The following COG5 variants were observed in gnomAD, a reference collection of about 807,000 sequenced individuals.
The protein encoded by COG5 is component of oligomeric golgi complex 5.
COG5 carries 86 observed loss-of-function variants against 110.4 expected under a neutral mutation model. The ratio of observed to expected loss-of-function variants is 0.78; its 90% CI spans 0.65 to 0.93. The LOEUF (loss-of-function observed/expected upper bound fraction) is 0.93. Ranked by LOEUF, COG5 falls within the 40% of genes least tolerant of loss-of-function variation. The probability of loss-of-function intolerance (pLI) is 0.00; values close to 1 mark genes in which losing one functional copy is unlikely to be tolerated. For synonymous variants in COG5, 360 were observed against 334.6 expected (o/e 1.08, Z -0.83); for missense variants, 1,077 against 987.0 (o/e 1.09, Z -1.22).
At chr7:107,217,850 T>C (rs1354816202) in intron 19 of COG5, among the ~76,000 whole-genome samples, 1 of 152,014 alleles carries the variant, frequency 6.6e-6, no homozygotes, top group Non-Finnish European at 1.5e-5. Context: ...ATAATCCTAC[T>C]GGAGGTCTTT....
chr7:107,386,396 T>C (rs779193221), intron 7 of COG5, among the ~76,000 whole-genome samples: 25 of 152,072 alleles, frequency 1.6e-4, no homozygotes, highest in Non-Finnish European at 3.2e-4. Flanking sequence ...ACGTTATTTA[T>C]CTGTCGTTGG....
At chr7:107,458,953 T>C (rs1795826756) in intron 6 of COG5, among the ~76,000 whole-genome samples, 1 of 151,242 alleles carries the variant, frequency 6.6e-6, no homozygotes, top group East Asian at 1.9e-4. Context: ...ATTTATATTA[T>C]TATATATATA....
At position 107,271,473 on chromosome 7, in the gene COG5, T is replaced by C. The variant is rs148400171; in HGVS notation, c.1575+9827A>G. On this transcript the variant is annotated intron_variant, in intron 14 of 21. Transcript: ENST00000297135. ...CTTCAATTTCTTTCAACACAACTTA[T>C]AGTTTTCAGTGTAAAGTCTTGCCCA... Among the ~76,000 whole-genome samples the C allele has an allele frequency of 2.1e-3, 320 of 152,294 alleles. 1 individual carries two copies. The highest frequency in any genetic ancestry group is 7.3e-3 in the African/African-American group (304 of 41,560).
In COG5 at chr7:107,329,055, A is replaced by ACTACAGAT. The variant is rs900806577; in HGVS notation, c.1027-4542_1027-4535dup. Among the ~76,000 whole-genome samples the ACTACAGAT allele has an allele frequency of 6.6e-5, 10 of 152,280 alleles. No homozygotes were observed. In the East Asian group the frequency reaches 1.5e-3, roughly 24 times the overall value. On this transcript the variant is annotated intron_variant, in intron 10 of 21. Coordinates refer to ENST00000297135, the MANE Select transcript of COG5 (RefSeq NM_006348.5). The stretch of plus-strand genomic sequence containing the variant: ...ACATCATTGGCTTTCCAGCTTGCCA[A>ACTACAGAT]CTACAGATCTACAGATCTACAGACT...
At chr7:107,507,694 T>C (rs1291663164) in intron 6 of COG5, among the ~76,000 whole-genome samples, 1 of 152,130 alleles carries the variant, frequency 6.6e-6, no homozygotes, top group Non-Finnish European at 1.5e-5. Flanking sequence ...AATGGGTCCC[T>C]ATTGTATGGC....
intron 6 of COG5, chr7:107,471,561 G>A (rs1468071898): frequency 6.6e-6 from 1 of 151,878 alleles, no homozygotes; most frequent in African/African-American, 2.4e-5. Flanking sequence ...TGTATCCTAA[G>A]AAGATGCTAC....
intron 7 of COG5, among the ~76,000 whole-genome samples, chr7:107,386,862 G>T (rs759259999): frequency 4.6e-5 from 7 of 152,058 alleles, no homozygotes; most frequent in African/African-American, 1.7e-4. Flanking sequence ...CCCTGGCTTC[G>T]TTATACAACA....
At chr7:107,327,791 G>C (rs77007583) in intron 10 of COG5, among the ~76,000 whole-genome samples, 16 of 152,196 alleles carry the variant, frequency 1.1e-4, no homozygotes, top group Non-Finnish European at 1.9e-4. Flanking sequence ...TAAAAAACTG[G>C]TAAATAACAA....
intron 11 of COG5, among the ~76,000 whole-genome samples, chr7:107,322,648 C>A (rs1809411605): frequency 6.6e-6 from 1 of 152,186 alleles, no homozygotes; most frequent in Non-Finnish European, 1.5e-5. Flanking sequence ...ATGGTATATC[C>A]ATTTTGGATT....
chr7:107,410,061 G>A (rs1792169242), intron 7 of COG5, among the ~76,000 whole-genome samples: 1 of 152,156 alleles, frequency 6.6e-6, no homozygotes, highest in African/African-American at 2.4e-5. Flanking sequence ...GAAAAGACTA[G>A]GCATAGAAGT....
At chr7:107,208,862 C>T (rs1228604174) in intron 21 of COG5, 3 of 985,354 alleles carry the variant, frequency 3.0e-6, no homozygotes, top group East Asian at 2.3e-4. Context: ...TCTTACTGAC[C>T]TGTCATAGCT....
chr7:107,450,667 G>A (rs1443834718), intron 6 of COG5, among the ~76,000 whole-genome samples: 2 of 152,184 alleles, frequency 1.3e-5, no homozygotes, highest in Non-Finnish European at 2.9e-5. Context: ...TTGTGCAAAT[G>A]CAGTTGGGCT....
chr7:107,369,430 A>G (rs1212287332), intron 8 of COG5, among the ~76,000 whole-genome samples: 1 of 127,926 alleles, frequency 7.8e-6, no homozygotes, highest in African/African-American at 3.0e-5. Context: ...TCTGTTGCCC[A>G]GGCTTGAGTG....
intron 10 of COG5, among the ~76,000 whole-genome samples, chr7:107,347,493 A>T (rs1811727141): frequency 6.6e-6 from 1 of 152,210 alleles, no homozygotes. Flanking sequence ...TTCAAATGTG[A>T]AGATAAACAA....
chr7:107,461,508 A>G (rs1014591906), intron 6 of COG5, among the ~76,000 whole-genome samples: 12 of 152,180 alleles, frequency 7.9e-5, no homozygotes, highest in African/African-American at 2.9e-4. Context: ...CCCTGAAGAC[A>G]TGGAAAAAAG....
intron 8 of COG5, among the ~76,000 whole-genome samples, chr7:107,369,384 C>CTTTTTTT (rs567770114): frequency 9.7e-6 from 1 of 103,156 alleles, no homozygotes; most frequent in Non-Finnish European, 1.9e-5. Context: ...AACAAAAATT[C>CTTTTTTT]TTTTTTTTTT....
intron 6 of COG5, among the ~76,000 whole-genome samples, chr7:107,516,080 A>G (rs1315270009): frequency 6.6e-6 from 1 of 152,220 alleles, no homozygotes; most frequent in African/African-American, 2.4e-5. Context: ...TAATCATTCA[A>G]TCTACACTTT....
At chr7:107,414,335 C>G (rs73724515) in intron 6 of COG5, among the ~76,000 whole-genome samples, 2,016 of 151,330 alleles carry the variant, frequency 0.013, 51 homozygotes, top group African/African-American at 0.046. Flanking sequence ...TCATATACCA[C>G]AGTGATGTAG....
At chr7:107,231,184 T>A (rs1800752141) in intron 18 of COG5, among the ~76,000 whole-genome samples, 2 of 152,148 alleles carry the variant, frequency 1.3e-5, no homozygotes, top group Admixed American at 1.3e-4. Context: ...GATAAGTTAC[T>A]TCACCTCTTT....
Sources: allele counts gnomAD v4.1 joint callset (sites outside exome capture counted in the v4.1 genomes callset), GRCh38; gene constraint gnomAD v4.1.1; transcripts MANE v1.5; gene names NCBI Gene and HGNC (gene_info 2026-07-23, HGNC 2026-07-21).